CDC42BPB: variants seen among roughly 807,000 people sequenced by gnomAD.
CDC42BPB encodes CDC42 binding protein kinase beta, also known as serine/threonine-protein kinase MRCK beta.
Under a neutral mutation model 214.9 loss-of-function variants are expected in CDC42BPB, and 37 were observed. That is an observed-to-expected ratio of 0.17 (90% CI 0.13 to 0.23). The LOEUF (loss-of-function observed/expected upper bound fraction) is 0.23, where lower values mean the gene tolerates loss of function less well. CDC42BPB is among the 10% of genes least tolerant of loss of function. The pLI is 1.00. For synonymous variants in CDC42BPB, 931 were observed against 884.0 expected (o/e 1.05, Z -0.94); for missense variants, 1,694 against 2,227.0 (o/e 0.76, Z 4.82).
intron 11 of CDC42BPB, among the ~76,000 whole-genome samples, chr14:102,975,377 G>T (rs1893690099): frequency 6.6e-6 from 1 of 152,158 alleles, no homozygotes. Flanking sequence ...TACAAAATTA[G>T]CCGGGTGTGG....
chr14:102,977,744 CGGCCTCTGGGAGAAATCTCACCCCCCT>C (rs1054324438), intron 9 of CDC42BPB, among the ~76,000 whole-genome samples: 56 of 152,196 alleles, frequency 3.7e-4, no homozygotes, highest in Non-Finnish European at 6.9e-4. Flanking sequence ...TGGCAAACTA[CGGCCTCTGGGAGAAATCTCACCCCCCT>C]GGCCTCTGGG....
chr14:102,935,656 G>A (rs1891618367), intron 36 of CDC42BPB, among the ~76,000 whole-genome samples: 1 of 151,956 alleles, frequency 6.6e-6, no homozygotes, highest in Admixed American at 6.6e-5. Context: ...CAGGTATGGT[G>A]GCGGGCACCT....
intron 4 of CDC42BPB, 42 bp from the exon 5 acceptor site, chr14:102,999,755 TCAC>T (rs1168962683): frequency 6.2e-7 from 1 of 1,612,588 alleles, no homozygotes; most frequent in Non-Finnish European, 8.5e-7. Flanking sequence ...CCACATTTAG[TCAC>T]CACTAAACCT....
At chr14:103,003,720 A>C (rs961096139) in intron 4 of CDC42BPB, among the ~76,000 whole-genome samples, 3 of 152,266 alleles carry the variant, frequency 2.0e-5, no homozygotes, top group African/African-American at 7.2e-5. Flanking sequence ...AGTGATTAGA[A>C]AAAAACAAAG....
chr14:102,970,134 C>A lies in CDC42BPB; in HGVS notation c.1995+17G>T, dbSNP rs537626835. The A allele has an allele frequency of 1.1e-4, 168 of 1,587,868 alleles. No homozygotes were observed. Among genetic ancestry groups the A allele is most frequent in the South Asian group, 4.5e-4 (40 of 89,816 alleles). On this transcript the variant is annotated intron_variant, in intron 14 of 36. Coordinates refer to ENST00000361246, the MANE Select transcript of CDC42BPB (RefSeq NM_006035.4). ...CATCCCTCTCAGTTAAGGGCAGAGACCCCCGCCCAGCACTACCTTGAGGGC... is the reference window on the plus strand; with the variant it reads ...CATCCCTCTCAGTTAAGGGCAGAGAACCCCGCCCAGCACTACCTTGAGGGC...
intron 36 of CDC42BPB, among the ~76,000 whole-genome samples, chr14:102,936,308 C>T (rs1415872663): frequency 1.3e-5 from 2 of 152,226 alleles, no homozygotes; most frequent in African/African-American, 4.8e-5. Context: ...GTGTTCACAG[C>T]AGCACCACTC....
intron 1 of CDC42BPB, among the ~76,000 whole-genome samples, chr14:103,040,387 T>C (rs536720656): frequency 6.6e-6 from 1 of 152,236 alleles, no homozygotes; most frequent in East Asian, 1.9e-4. Flanking sequence ...ACTTTATGTA[T>C]TTTTACCCCA....
rs1198481113 is a variant in CDC42BPB at position 102,943,400 on chromosome 14, TG to T, written c.4408+490del. ...AACTAGGCGAATTCAGTGACCCAAC[TG>T]TTTGAAAAACAGCCCCTACCACTTT... On this transcript the variant is annotated intron_variant, in intron 30 of 36. Coordinates refer to ENST00000361246, the MANE Select transcript of CDC42BPB (RefSeq NM_006035.4). This position sits in a 1 kb window ranked among gnomAD's most constrained non-coding sequence, Gnocchi z 4.6. Among the ~76,000 whole-genome samples the T allele has an allele frequency of 6.6e-6, 1 of 152,234 alleles. No individual in the cohort carries two copies. The highest frequency in any genetic ancestry group is 2.4e-5 in the African/African-American group (1 of 41,472).
chr14:103,002,547 C>T (rs898222954), intron 4 of CDC42BPB, among the ~76,000 whole-genome samples: 7 of 152,202 alleles, frequency 4.6e-5, no homozygotes, highest in South Asian at 2.1e-4. Flanking sequence ...CAGTTCTTAT[C>T]GAAAGTGGAA....
At chr14:103,038,646 C>T (rs1323067705) in intron 1 of CDC42BPB, among the ~76,000 whole-genome samples, 1 of 148,670 alleles carries the variant, frequency 6.7e-6, no homozygotes. Flanking sequence ...CCCACCTCAG[C>T]CTCCCGAGTA....
chr14:102,996,110 C>T (rs527435522), intron 5 of CDC42BPB, among the ~76,000 whole-genome samples: 12 of 152,126 alleles, frequency 7.9e-5, no homozygotes, highest in South Asian at 4.2e-4. Flanking sequence ...GAGGCCGAGG[C>T]GGGCGGATCA....
chr14:103,047,311 A>G (rs1187393054), intron 1 of CDC42BPB, among the ~76,000 whole-genome samples: 1 of 151,444 alleles, frequency 6.6e-6, no homozygotes, highest in East Asian at 1.9e-4. Context: ...TAGAACAAAC[A>G]TTAAAACTAC....
intron 1 of CDC42BPB, 101 bp downstream of exon 1, chr14:103,056,898 G>A (rs1030539533): frequency 3.0e-5 from 25 of 828,966 alleles, no homozygotes; most frequent in Non-Finnish European, 4.1e-5. Flanking sequence ...GCAGGAGGGC[G>A]GCAGGGTCTG....
chr14:102,976,717 C>T lies in CDC42BPB; in HGVS notation c.1221-668G>A, dbSNP rs1340981229. On this transcript the variant is annotated intron_variant, in intron 9 of 36. Transcript: ENST00000361246. ...GCAGAGTTCCATAAAGGCACCCAGC[C>T]CCCTTTAGAGAAGACCTGGTCAGTG... Among the ~76,000 whole-genome samples the T allele has an allele frequency of 3.3e-5, 5 of 152,226 alleles. No individual in the cohort carries two copies. In the East Asian group the frequency reaches 7.7e-4, roughly 23 times the overall value.
intron 5 of CDC42BPB, among the ~76,000 whole-genome samples, chr14:102,996,017 G>A (rs34046954): frequency 0.019 from 2,841 of 152,266 alleles, 33 homozygotes; most frequent in Non-Finnish European, 0.029. Flanking sequence ...TACTATGCCC[G>A]GACGTCAAAC....
intron 17 of CDC42BPB, 124 bp downstream of exon 17, chr14:102,966,922 C>T: frequency 8.7e-7 from 1 of 1,143,952 alleles, no homozygotes; most frequent in Non-Finnish European, 1.3e-6. Flanking sequence ...AGCAGTGAGA[C>T]CTGCACCCCA....
chr14:102,996,616 C>G (rs908858693), intron 5 of CDC42BPB, among the ~76,000 whole-genome samples: 1 of 151,808 alleles, frequency 6.6e-6, no homozygotes, highest in Admixed American at 6.6e-5. Flanking sequence ...AGTTCTAGAC[C>G]AGCCTGACCA....
chr14:102,986,702 C>T, intron 5 of CDC42BPB, 122 bp from the exon 6 acceptor site: 1 of 1,408,344 alleles, frequency 7.1e-7, no homozygotes, highest in South Asian at 1.6e-5. Flanking sequence ...CAGCTGTCAC[C>T]ATCCAGTACA....
chr14:103,047,954 T>G (rs186600564), intron 1 of CDC42BPB, among the ~76,000 whole-genome samples: 1 of 150,804 alleles, frequency 6.6e-6, no homozygotes, highest in South Asian at 2.1e-4. Context: ...TCACCTCCGA[T>G]GAATTCTTTC....
Sources: allele counts gnomAD v4.1 joint callset (sites outside exome capture counted in the v4.1 genomes callset), GRCh38; gene constraint gnomAD v4.1.1; non-coding constraint Gnocchi (gnomAD v3.1); transcripts MANE v1.5; gene names NCBI Gene and HGNC (gene_info 2026-07-23, HGNC 2026-07-21).